Variants in PSD3 observed in about 807,000 individuals in gnomAD.
PSD3 encodes PH and SEC7 domain-containing protein 3.
Under a neutral mutation model 105.5 loss-of-function variants are expected in PSD3, and 49 were observed. The observed-to-expected ratio is 0.46, with a 90% confidence interval of 0.37 to 0.59. PSD3 has a LOEUF of 0.59. Ranked by LOEUF, PSD3 falls within the 20% of genes least tolerant of loss-of-function variation. The pLI is 0.00. For missense variants in PSD3, 1,561 were observed against 1,263.8 expected (o/e 1.24, Z -3.57); for synonymous variants, 557 against 457.8 (o/e 1.22, Z -2.77).
chr8:18,833,053 A>G (rs541162590), intron 4 of PSD3, among the ~76,000 whole-genome samples: 50 of 152,354 alleles, frequency 3.3e-4, no homozygotes, highest in African/African-American at 1.1e-3. Context: ...AAAAGCAACT[A>G]TGTTAAAGAT....
intron 1 of PSD3, among the ~76,000 whole-genome samples, chr8:19,077,055 G>A (rs6586805): frequency 0.96 from 145,910 of 152,254 alleles, 70,261 homozygotes; most frequent in East Asian, 1. Context: ...TATTTGTGCT[G>A]TTGTTATAGG....
At chr8:18,750,512 A>C (rs1305496760) in intron 9 of PSD3, among the ~76,000 whole-genome samples, 2 of 152,120 alleles carry the variant, frequency 1.3e-5, no homozygotes, top group African/African-American at 4.8e-5. Context: ...GTGGACCCAA[A>C]GAGTGAGCAG....
chr8:18,894,210 T>G (rs1405183025), intron 2 of PSD3, among the ~76,000 whole-genome samples: 1 of 152,240 alleles, frequency 6.6e-6, no homozygotes, highest in Non-Finnish European at 1.5e-5. Flanking sequence ...AAAGTACATT[T>G]GTACTCCCAG....
intron 9 of PSD3, among the ~76,000 whole-genome samples, chr8:18,759,430 T>C (rs985365224): frequency 1.3e-5 from 2 of 152,162 alleles, no homozygotes; most frequent in African/African-American, 4.8e-5. Flanking sequence ...TGTTCAGTTT[T>C]ATCACAAATA....
intron 1 of PSD3, among the ~76,000 whole-genome samples, chr8:18,999,065 G>C (rs1826232752): frequency 6.6e-6 from 1 of 152,074 alleles, no homozygotes; most frequent in South Asian, 2.1e-4. Context: ...ATTCAGGAGG[G>C]AAGCAGCTTT....
At chr8:18,901,267 T>A (rs1369595153) in intron 2 of PSD3, among the ~76,000 whole-genome samples, 2 of 152,186 alleles carry the variant, frequency 1.3e-5, no homozygotes, top group Non-Finnish European at 2.9e-5. Flanking sequence ...GTTTAAAATA[T>A]TTGAATATAA....
intron 8 of PSD3, among the ~76,000 whole-genome samples, chr8:18,788,720 G>A (rs889609869): frequency 2.2e-4 from 33 of 152,164 alleles, no homozygotes; most frequent in African/African-American, 7.9e-4. Flanking sequence ...AACACAGCAG[G>A]CATACTCTCC....
intron 9 of PSD3, among the ~76,000 whole-genome samples, chr8:18,671,925 C>T (rs146868999): frequency 2.0e-5 from 3 of 152,236 alleles, no homozygotes; most frequent in African/African-American, 7.2e-5. Context: ...GCCACTGCGC[C>T]GGGCCTGATT....
At chr8:19,024,234 A>C (rs960900239) in intron 1 of PSD3, among the ~76,000 whole-genome samples, 1 of 152,186 alleles carries the variant, frequency 6.6e-6, no homozygotes, top group Non-Finnish European at 1.5e-5. Flanking sequence ...TTCACTTATA[A>C]TCTTTTTTCC....
intron 12 of PSD3, among the ~76,000 whole-genome samples, chr8:18,585,644 A>G (rs974594334): frequency 2.0e-5 from 3 of 152,110 alleles, no homozygotes; most frequent in African/African-American, 7.2e-5. Flanking sequence ...TCCTTATGAG[A>G]TGACTAATAA....
chr8:18,946,532 G>C (rs909380801), intron 1 of PSD3, among the ~76,000 whole-genome samples: 16 of 151,986 alleles, frequency 1.1e-4, no homozygotes, highest in Non-Finnish European at 1.8e-4. Context: ...AGTGAGCTAT[G>C]ATTGTGCCAC....
intron 4 of PSD3, among the ~76,000 whole-genome samples, chr8:18,817,325 G>A (rs2638610): frequency 0.83 from 126,173 of 152,088 alleles, 52,672 homozygotes; most frequent in East Asian, 0.9. Flanking sequence ...TAATTCTGCA[G>A]TACCTCTCCA....
intron 2 of PSD3, among the ~76,000 whole-genome samples, chr8:18,874,416 C>T (rs569050518): frequency 3.3e-4 from 50 of 152,084 alleles, no homozygotes; most frequent in African/African-American, 8.9e-4. Flanking sequence ...CCACCTGCCT[C>T]GGCCTCCCAA....
chr8:18,601,851 G>A (rs1347329284), intron 11 of PSD3, among the ~76,000 whole-genome samples: 3 of 152,150 alleles, frequency 2.0e-5, no homozygotes, highest in South Asian at 2.1e-4. Context: ...GAAGAGACCA[G>A]GGCTGAGAGG....
At chr8:18,589,560 G>C (rs1803443429) in intron 12 of PSD3, among the ~76,000 whole-genome samples, 2 of 152,152 alleles carry the variant, frequency 1.3e-5, no homozygotes, top group African/African-American at 2.4e-5. Flanking sequence ...CTTGAAAACA[G>C]TTCAGATAAA....
intron 9 of PSD3, among the ~76,000 whole-genome samples, chr8:18,660,502 T>C (rs1293461670): frequency 6.6e-6 from 1 of 152,204 alleles, no homozygotes; most frequent in Non-Finnish European, 1.5e-5. Context: ...AGAATGATGA[T>C]ATACCCACAG....
At chr8:18,672,271 A>T (rs1453790369) in intron 9 of PSD3, among the ~76,000 whole-genome samples, 1 of 152,160 alleles carries the variant, frequency 6.6e-6, no homozygotes, top group African/African-American at 2.4e-5. Flanking sequence ...GGACATGATG[A>T]AGTTAACGTG....
chr8:18,543,667 G>A (rs1305881097), intron 15 of PSD3, among the ~76,000 whole-genome samples: 1 of 151,592 alleles, frequency 6.6e-6, no homozygotes, highest in East Asian at 1.9e-4. Context: ...CAAATATGTA[G>A]GGAAAAAATC....
intron 12 of PSD3, among the ~76,000 whole-genome samples, chr8:18,580,620 A>T (rs1399626624): frequency 1.3e-5 from 2 of 152,106 alleles, no homozygotes; most frequent in Non-Finnish European, 2.9e-5. Context: ...AGGCAGGTGG[A>T]ACAAAATCTC....
Sources: allele counts gnomAD v4.1 joint callset (sites outside exome capture counted in the v4.1 genomes callset), GRCh38; gene constraint gnomAD v4.1.1; transcripts MANE v1.5; gene names NCBI Gene and HGNC (gene_info 2026-07-23, HGNC 2026-07-21).